The following PRR5 variants were observed in gnomAD, a reference collection of about 807,000 sequenced individuals.
PRR5 encodes the protein proline rich 5.
Under a neutral mutation model 30.6 loss-of-function variants are expected in PRR5, and 25 were observed. The observed-to-expected ratio is 0.82, with a 90% confidence interval of 0.60 to 1.14. The LOEUF (loss-of-function observed/expected upper bound fraction) is 1.14. PRR5 is among the 50% of genes most tolerant of loss of function. PRR5 has a pLI of 0.00. For missense variants in PRR5, 600 were observed against 547.1 expected (o/e 1.10, Z -0.96); for synonymous variants, 286 against 247.1 (o/e 1.16, Z -1.48).
At chr22:44,722,597 C>T (rs932433632) in intron 2 of PRR5, among the ~76,000 whole-genome samples, 4 of 152,212 alleles carry the variant, frequency 2.6e-5, no homozygotes, top group African/African-American at 7.2e-5. Context: ...GTCCAGCCTA[C>T]AGCTTCTCCA....
chr22:44,729,601 G>T (rs535829188), intron 4 of PRR5: 4 of 985,306 alleles, frequency 4.1e-6, no homozygotes, highest in African/African-American at 1.7e-5. Flanking sequence ...CACTGAGTCC[G>T]CCTGGAGGAA....
chr22:44,701,908 C>T (rs990639641), upstream of PRR5, among the ~76,000 whole-genome samples: 7 of 151,696 alleles, frequency 4.6e-5, no homozygotes, highest in Admixed American at 2.0e-4. Flanking sequence ...CGTGTGGGCG[C>T]GACCGCAGTG....
At chr22:44,736,695 T>C (rs1372256790) in intron 7 of PRR5, 77 bp from the exon 8 acceptor site, 2 of 1,501,334 alleles carry the variant, frequency 1.3e-6, no homozygotes, top group Non-Finnish European at 1.8e-6. Context: ...GGACCCAGTG[T>C]GCAGTGAGCA....
intron 1 of PRR5, among the ~76,000 whole-genome samples, chr22:44,710,493 C>T (rs1437157692): frequency 4.6e-5 from 7 of 152,196 alleles, no homozygotes; most frequent in Non-Finnish European, 1.0e-4. Context: ...ATGACATTTA[C>T]ACATGCCCCA....
rs1033122700 is a variant in PRR5 at position 44,737,586 on chromosome 22, C to T, written c.*339C>T. 9 of 281,622 alleles carry T rather than the reference C, an allele frequency of 3.2e-5. No individual in the cohort carries two copies. Among genetic ancestry groups the T allele is most frequent in the Admixed American group, 2.8e-4 (6 of 21,308 alleles). The allele number at this position is 281,622 out of a possible 1,614,324, so 17.4% of individuals were successfully genotyped here. On this transcript the variant is annotated 3_prime_UTR_variant, in exon 8 of 8. Transcript: ENST00000336985. ...TAAACCCAGTGGGCTCTGCCCACGCCGGGCCCCAAAGTGACCAGACTCCAG... is the reference window on the plus strand; with the variant it reads ...TAAACCCAGTGGGCTCTGCCCACGCTGGGCCCCAAAGTGACCAGACTCCAG...
intron 1 of PRR5, among the ~76,000 whole-genome samples, chr22:44,689,638 C>T (rs1447120935): frequency 6.6e-6 from 1 of 152,156 alleles, no homozygotes. Flanking sequence ...GACAGGAGCT[C>T]ATCTCAGAGT....
At chr22:44,715,533 C>T (rs2147083694) in intron 2 of PRR5, among the ~76,000 whole-genome samples, 2 of 152,248 alleles carry the variant, frequency 1.3e-5, no homozygotes, top group East Asian at 3.9e-4. Flanking sequence ...TTCAGGGTGT[C>T]CTGCTTTTCT....
rs377148548 is a variant in PRR5, at chr22:44,705,465, A to G, written c.134+2857A>G. 5.4e-4 allele frequency among the ~76,000 whole-genome samples: 82 copies of G among 151,822 alleles called. 1 individual carries two copies. The highest frequency in any genetic ancestry group is 1.9e-3 in the African/African-American group (78 of 41,364). ...CAGCCTCTGGAGTAGCTGGGATTAC[A>G]GGCGCCCACCACCACGCCCGGCTAA... On this transcript the variant is annotated intron_variant, in intron 1 of 7. Coordinates refer to ENST00000336985, the MANE Select transcript of PRR5 (RefSeq NM_181333.4).
rs190337746 is a variant in PRR5 at position 44,729,906 on chromosome 22, G to A, written c.323-1824G>A. ...ACTGAGCTGCCTTTCTTCCTGCCGC[G>A]GCGGAGGGGGACTGAAGGGACTTTG... On this transcript the variant is annotated intron_variant, in intron 4 of 7. Coordinates refer to ENST00000336985, the MANE Select transcript of PRR5 (RefSeq NM_181333.4). 72 of 985,482 alleles carry A rather than the reference G, an allele frequency of 7.3e-5. 1 individual carries two copies. The Admixed American group carries it at 3.1e-3, about 43-fold the overall frequency. The allele number at this position is 985,482 out of a possible 1,614,324, so 61.0% of individuals were successfully genotyped here.
intron 6 of PRR5, among the ~76,000 whole-genome samples, chr22:44,732,661 C>T (rs1181903993): frequency 1.3e-5 from 2 of 152,174 alleles, no homozygotes; most frequent in Admixed American, 6.5e-5. Flanking sequence ...TGCCCACCCC[C>T]AGCACGCACA....
At chr22:44,693,374 G>A (rs541496799) in intron 1 of PRR5, among the ~76,000 whole-genome samples, 5 of 151,950 alleles carry the variant, frequency 3.3e-5, no homozygotes, top group East Asian at 3.9e-4. Flanking sequence ...TGGGAGGATC[G>A]CCTGAGCCCA....
In PRR5 at chr22:44,702,559, G is replaced by C. The variant is rs1601991387; in HGVS notation, c.85G>C (p.Glu29Gln). ...GAGAGAGCCGGCCGCCGCCGCGGAC[G>C]AGCGGGGCACGCAGCAGCGCCGGGC... ...GKREPAAAAD[E>Q]RGTQQRRACA... Residue 29 changes from glutamate (E) to glutamine (Q), a missense_variant, in exon 1 of 8, where the codon GAG becomes CAG. Glu to Gln is a conservative substitution (Grantham distance 29, BLOSUM62 2). Transcript: ENST00000336985. The C allele has an allele frequency of 2.8e-6, 4 of 1,439,612 alleles. No individual in the cohort carries two copies. The African/African-American group carries it at 4.5e-5, about 16-fold the overall frequency. The allele number at this position is 1,439,612 out of a possible 1,614,324, so 89.2% of individuals were successfully genotyped here.
At chr22:44,695,912 G>C (rs1415874896) in intron 1 of PRR5, among the ~76,000 whole-genome samples, 1 of 112,932 alleles carries the variant, frequency 8.9e-6, no homozygotes, top group Non-Finnish European at 1.8e-5. Context: ...ATTCCATTTT[G>C]ATTCTGACAA....
At chr22:44,687,709 C>T (rs1207324832) in intron 1 of PRR5, among the ~76,000 whole-genome samples, 1 of 152,182 alleles carries the variant, frequency 6.6e-6, no homozygotes, top group African/African-American at 2.4e-5. Context: ...GTTTAATAAA[C>T]CCTCCGTCTC....
At chr22:44,724,980 G>C (rs1462235824) in intron 2 of PRR5, among the ~76,000 whole-genome samples, 1 of 152,178 alleles carries the variant, frequency 6.6e-6, no homozygotes, top group Non-Finnish European at 1.5e-5. Context: ...TCTTCCCTCT[G>C]AGGACCCCTT....
chr22:44,677,333 C>T (rs1035588287), intron 1 of PRR5: 46 of 152,410 alleles, frequency 3.0e-4, no homozygotes, highest in African/African-American at 1.0e-3. Context: ...AGCGGCCGAG[C>T]AGAGGTTTGG....
At chr22:44,722,155 T>C (rs1336145195) in intron 2 of PRR5, among the ~76,000 whole-genome samples, 1 of 152,276 alleles carries the variant, frequency 6.6e-6, no homozygotes, top group East Asian at 1.9e-4. Context: ...ATTTCACAGT[T>C]GTGCAAGGGA....
At chr22:44,710,242 A>G (rs1323416373) in intron 1 of PRR5, among the ~76,000 whole-genome samples, 2 of 151,904 alleles carry the variant, frequency 1.3e-5, no homozygotes, top group East Asian at 3.9e-4. Flanking sequence ...GCCAGGCAGC[A>G]TGGAGCCTCC....
At chr22:44,731,133 A>G in intron 4 of PRR5, 1 of 270,552 alleles carries the variant, frequency 3.7e-6, no homozygotes. Flanking sequence ...TGTGAGTTGA[A>G]ACTGCTGTGC....
Sources: allele counts gnomAD v4.1 joint callset (sites outside exome capture counted in the v4.1 genomes callset), GRCh38; gene constraint gnomAD v4.1.1; transcripts MANE v1.5; gene names NCBI Gene and HGNC (gene_info 2026-07-23, HGNC 2026-07-21).